The following AFMID variants were observed in gnomAD, a reference collection of about 807,000 sequenced individuals.
AFMID encodes arylformamidase.
Under a neutral mutation model 47.5 loss-of-function variants are expected in AFMID, and 39 were observed. That is an observed-to-expected ratio of 0.82 (90% confidence interval 0.64 to 1.07). The LOEUF is 1.07. AFMID is among the 50% of genes least tolerant of loss of function. The probability of loss-of-function intolerance (pLI) is 0.00; values close to 1 mark genes in which losing one functional copy is unlikely to be tolerated. For missense variants in AFMID, 375 were observed against 387.5 expected (o/e 0.97, Z 0.27); for synonymous variants, 130 against 153.2 (o/e 0.85, Z 1.12).
Position 78,190,996 on chromosome 17 carries a change from C to A in AFMID, c.90C>A (p.Ser30Arg), listed in dbSNP as rs889855505. ...AGCTGGAGAATCAGTACTGTCCCAG[C>A]CGATGGGTTGTCCGACTGGGAGCAG... ...AEELENQYCP[S>R]RWVVRLGAEE... Residue 30 changes from serine to arginine, a missense_variant, in exon 2 of 11, where the codon AGC (serine) becomes AGA (arginine). By Grantham distance (110) the Ser-to-Arg change is moderately radical (BLOSUM62 -1). Coordinates refer to ENST00000409257, the MANE Select transcript of AFMID (RefSeq NM_001010982.5). 6.2e-7 allele frequency: 1 copy of A among 1,613,968 alleles called. No homozygotes were observed. Among genetic ancestry groups the A allele is most frequent in the Non-Finnish European group, 8.5e-7 (1 of 1,179,986 alleles).
chr17:78,199,073 A>G (rs755334258), intron 2 of AFMID, among the ~76,000 whole-genome samples: 1 of 152,234 alleles, frequency 6.6e-6, no homozygotes, highest in South Asian at 2.1e-4. Context: ...GTCAGTACGC[A>G]GGGAGCCCTG....
At chr17:78,206,839 A>G (rs1475913954) in intron 10 of AFMID, 72 bp from the exon 11 acceptor site, 27 of 1,569,660 alleles carry the variant, frequency 1.7e-5, no homozygotes, top group Non-Finnish European at 2.3e-5. Flanking sequence ...GCCCTGTCTC[A>G]TTTCCTTAAT....
intron 2 of AFMID, among the ~76,000 whole-genome samples, chr17:78,195,660 G>A (rs564099798): frequency 1.5e-4 from 23 of 151,664 alleles, no homozygotes; most frequent in African/African-American, 2.9e-4. Context: ...GCGCCACCAC[G>A]TCCAGCTAAT....
chr17:78,201,646 T>C (rs2145870798), intron 2 of AFMID, among the ~76,000 whole-genome samples: 1 of 152,198 alleles, frequency 6.6e-6, no homozygotes, highest in Non-Finnish European at 1.5e-5. Flanking sequence ...CAAAAAAGTA[T>C]AGCGCACATA....
At chr17:78,198,984 C>G (rs569641767) in intron 2 of AFMID, among the ~76,000 whole-genome samples, 1 of 152,338 alleles carries the variant, frequency 6.6e-6, no homozygotes, top group South Asian at 2.1e-4. Flanking sequence ...GTAGTACACA[C>G]AGTTCCACCC....
At chr17:78,202,445 A>G (rs2076268796) in intron 2 of AFMID, 54 bp from the exon 3 acceptor site, 13 of 1,565,166 alleles carry the variant, frequency 8.3e-6, no homozygotes, top group Non-Finnish European at 9.6e-6. Flanking sequence ...AAGAAAAGAA[A>G]AATTTCTACC....
intron 1 of AFMID, among the ~76,000 whole-genome samples, chr17:78,189,113 G>A (rs1207681058): frequency 6.6e-6 from 1 of 152,142 alleles, no homozygotes; most frequent in Non-Finnish European, 1.5e-5. Flanking sequence ...AAGTAAGTGA[G>A]GGAGGTCAGA....
intron 2 of AFMID, among the ~76,000 whole-genome samples, chr17:78,194,251 G>A (rs550494147): frequency 2.6e-5 from 4 of 151,812 alleles, no homozygotes; most frequent in South Asian, 2.1e-4. Flanking sequence ...TCAGCCTCCC[G>A]AGTAGCTGGA....
rs746260367 is a variant in AFMID at position 78,205,587 on chromosome 17, C to A, written c.645-16C>A. The A allele has an allele frequency of 4.3e-6, 7 of 1,613,948 alleles. No individual in the cohort carries two copies. The highest frequency in any genetic ancestry group is 1.7e-5 in the Admixed American group (1 of 60,004). On this transcript the variant is annotated splice_polypyrimidine_tract_variant and intron_variant, in intron 8 of 10. Transcript: ENST00000409257. ...GGCTCCTCTCTGTCCTGACCCCTGT[C>A]CACTCCCCACCCCAGGGAGGACGCT...
intron 2 of AFMID, chr17:78,197,124 C>T (rs1598999088): frequency 1.3e-6 from 2 of 1,544,228 alleles, no homozygotes; most frequent in African/African-American, 1.4e-5. Flanking sequence ...CGTAGCACAA[C>T]TTTAATCTAG....
chr17:78,206,535 T>C (rs978132820), intron 10 of AFMID, among the ~76,000 whole-genome samples: 31 of 151,422 alleles, frequency 2.0e-4, no homozygotes, highest in African/African-American at 7.0e-4. Context: ...GCCTCTCGAG[T>C]AGCTGGGACT....
chr17:78,206,106 G>A, intron 10 of AFMID, 56 bp downstream of exon 10: 2 of 1,497,108 alleles, frequency 1.3e-6, no homozygotes, highest in Non-Finnish European at 1.9e-6. Flanking sequence ...TCCTGTCGCA[G>A]CCCCTTAGAT....
chr17:78,202,694 G>T lies in AFMID; in HGVS notation c.260-9G>T, dbSNP rs377182161. The T allele has an allele frequency of 6.7e-5, 105 of 1,562,576 alleles. No homozygotes were observed. The African/African-American group carries it at 1.2e-3, about 18-fold the overall frequency. ...GCCTTGCTCACACGCCCTGTGCTTG[G>T]TTTTGCAGCCTTGCCTTTCTTCCTG... On this transcript the variant is annotated splice_polypyrimidine_tract_variant and intron_variant, in intron 3 of 10. Transcript: ENST00000409257.
chr17:78,196,680 G>GA (rs200233609), intron 2 of AFMID, among the ~76,000 whole-genome samples: 50 of 147,808 alleles, frequency 3.4e-4, no homozygotes, highest in South Asian at 1.9e-3. Flanking sequence ...AACTCCATCT[G>GA]AAAAAAAAAA....
Position 78,207,216 on chromosome 17 carries a change from C to CT in AFMID, c.*279_*280insT. The CT allele has an allele frequency of 2.1e-6, 1 of 486,036 alleles. No individual in the cohort carries two copies. The highest frequency in any genetic ancestry group is 3.6e-6 in the Non-Finnish European group (1 of 276,906). The allele number at this position is 486,036 out of a possible 1,614,324, so 30.1% of individuals were successfully genotyped here. ...AGCTGCCTCTTAGACTCGTCTGGCC[C>CT]ATCTACCTGCTGACAGAGCATGACA... On this transcript the variant is annotated 3_prime_UTR_variant, in exon 11 of 11. Coordinates refer to ENST00000409257, the MANE Select transcript of AFMID (RefSeq NM_001010982.5).
Position 78,187,432 on chromosome 17 carries a change from A to G in AFMID, c.62A>G (p.Glu21Gly). Residue 21 changes from glutamate to glycine, a missense_variant and splice_region_variant, in exon 1 of 11, where the codon GAG (glutamate) becomes GGG (glycine). Transcript: ENST00000409257. ...SKVPWKKMSA[E>G]ELENQYCPSR... Reference sequence around the variant, plus strand: ...GTTCCTTGGAAGAAGATGTCTGCAGAGGTAGGTGGATTGCAGGGAGGGACT... The same window carrying G: ...GTTCCTTGGAAGAAGATGTCTGCAGGGGTAGGTGGATTGCAGGGAGGGACT... The G allele has an allele frequency of 6.2e-7, 1 of 1,613,680 alleles. No individual in the cohort carries two copies. Among genetic ancestry groups the G allele is most frequent in the Non-Finnish European group, 8.5e-7 (1 of 1,179,870 alleles).
intron 2 of AFMID, chr17:78,197,253 A>T: frequency 6.5e-7 from 1 of 1,533,862 alleles, no homozygotes; most frequent in Non-Finnish European, 8.8e-7. Context: ...GTTGTTGGCA[A>T]ACCCCCATGG....
At position 78,187,396 on chromosome 17, in the gene AFMID, T is replaced by C; in HGVS notation, c.26T>C (p.Phe9Ser). 6.2e-7 allele frequency: 1 copy of C among 1,613,828 alleles called. No individual in the cohort carries two copies. Among genetic ancestry groups the C allele is most frequent in the Non-Finnish European group, 8.5e-7 (1 of 1,179,936 alleles). Residue 9 changes from phenylalanine (F) to serine (S), a missense_variant, in exon 1 of 11, where the codon TTC becomes TCC. Phe to Ser is a radical substitution (Grantham distance 155). Coordinates refer to ENST00000409257, the MANE Select transcript of AFMID (RefSeq NM_001010982.5). MMDVSGVGFPSKVPWKKMS... is the reference protein window; with the variant it reads MMDVSGVGSPSKVPWKKMS... ...ATGATGGATGTGTCTGGTGTGGGTT[T>C]CCCAAGCAAGGTTCCTTGGAAGAAG...
At chr17:78,195,787 C>G (rs148515748) in intron 2 of AFMID, among the ~76,000 whole-genome samples, 2 of 152,112 alleles carry the variant, frequency 1.3e-5, no homozygotes, top group Admixed American at 1.3e-4. Context: ...AGAGCCACCA[C>G]GCCCGGCCTT....
Sources: allele counts gnomAD v4.1 joint callset (sites outside exome capture counted in the v4.1 genomes callset), GRCh38; gene constraint gnomAD v4.1.1; transcripts MANE v1.5; gene names NCBI Gene and HGNC (gene_info 2026-07-23, HGNC 2026-07-21).